Variants in ARHGAP24 observed in about 807,000 individuals in gnomAD.
ARHGAP24 encodes the protein rho GTPase-activating protein 24.
ARHGAP24 carries 50 observed loss-of-function variants against 76.4 expected under a neutral mutation model. That is an observed-to-expected ratio of 0.65 (90% CI 0.52 to 0.83). ARHGAP24 has a LOEUF of 0.83. Ranked by LOEUF, ARHGAP24 falls within the 40% of genes least tolerant of loss-of-function variation. ARHGAP24 has a pLI of 0.00. For synonymous variants in ARHGAP24, 345 were observed against 323.3 expected (o/e 1.07, Z -0.72); for missense variants, 930 against 914.2 (o/e 1.02, Z -0.22).
chr4:85,875,064 T>TATATATAATATATTTCTTA (rs1732802695), intron 3 of ARHGAP24, among the ~76,000 whole-genome samples: 1 of 1,580 alleles, frequency 6.3e-4, no homozygotes, highest in Non-Finnish European at 1.3e-3. Context: ...TATATTTGTT[T>TATATATAATATATTTCTTA]TATATATTAT....
chr4:85,984,287 A>G (rs1269730035), intron 8 of ARHGAP24, among the ~76,000 whole-genome samples: 12 of 152,212 alleles, frequency 7.9e-5, no homozygotes, highest in African/African-American at 2.4e-4. Flanking sequence ...ACAAAACACC[A>G]TAGACTGGGT....
chr4:85,644,136 G>A (rs1721634838), intron 2 of ARHGAP24, among the ~76,000 whole-genome samples: 1 of 152,148 alleles, frequency 6.6e-6, no homozygotes, highest in Non-Finnish European at 1.5e-5. Context: ...CTTAAACTTT[G>A]CTGTTTCAGA....
In ARHGAP24 at chr4:85,892,127, G is replaced by T. The variant is rs1335173433; in HGVS notation, c.269-31521G>T. Among the ~76,000 whole-genome samples the T allele has an allele frequency of 9.5e-5, 5 of 52,484 alleles. 1 individual carries two copies. Among genetic ancestry groups the T allele is most frequent in the African/African-American group, 4.2e-4 (5 of 11,840 alleles). 34.4% of individuals were successfully genotyped at this position (52,484 alleles called of 152,430 possible). On this transcript the variant is annotated intron_variant, in intron 3 of 9. Coordinates refer to ENST00000395184, the MANE Select transcript of ARHGAP24 (RefSeq NM_001025616.3). ...TCGAGGAATGTATCCATTTCTTCTAGATTTTCTAGTTTATTTGCATAGAGG... is the reference window on the plus strand; with the variant it reads ...TCGAGGAATGTATCCATTTCTTCTATATTTTCTAGTTTATTTGCATAGAGG...
intron 2 of ARHGAP24, among the ~76,000 whole-genome samples, chr4:85,648,341 T>C (rs1467914955): frequency 1.3e-5 from 2 of 152,172 alleles, no homozygotes; most frequent in Non-Finnish European, 2.9e-5. Context: ...ATTATAGCTA[T>C]GACAATTAGT....
chr4:85,578,369 G>A (rs1044013687), intron 2 of ARHGAP24, among the ~76,000 whole-genome samples: 2 of 152,206 alleles, frequency 1.3e-5, no homozygotes, highest in South Asian at 2.1e-4. Flanking sequence ...GGGCACCTGA[G>A]ATGGAAAAGC....
chr4:85,486,438 T>C (rs1181567918), intron 1 of ARHGAP24, among the ~76,000 whole-genome samples: 1 of 152,242 alleles, frequency 6.6e-6, no homozygotes, highest in African/African-American at 2.4e-5. Context: ...AACTGGCTAA[T>C]TAAGTTAAAA....
At chr4:85,559,638 C>T (rs1017961570) in intron 1 of ARHGAP24, among the ~76,000 whole-genome samples, 2 of 152,154 alleles carry the variant, frequency 1.3e-5, no homozygotes, top group African/African-American at 4.8e-5. Context: ...GAGTGGAGTA[C>T]ACACAAAAGC....
intron 4 of ARHGAP24, among the ~76,000 whole-genome samples, chr4:85,938,881 A>G (rs1390460381): frequency 6.6e-6 from 1 of 151,928 alleles, no homozygotes; most frequent in Non-Finnish European, 1.5e-5. Flanking sequence ...TCTCAGCACA[A>G]ATTATTTATC....
chr4:85,931,505 G>A (rs1261046896), intron 4 of ARHGAP24, among the ~76,000 whole-genome samples: 1 of 152,066 alleles, frequency 6.6e-6, no homozygotes, highest in Non-Finnish European at 1.5e-5. Context: ...TTTGATAATC[G>A]AATTATTCGT....
intron 4 of ARHGAP24, among the ~76,000 whole-genome samples, chr4:85,924,045 C>A (rs572445512): frequency 1.3e-5 from 2 of 151,368 alleles, no homozygotes; most frequent in Admixed American, 1.3e-4. Context: ...CCCATATTAC[C>A]GACAATACAC....
intron 2 of ARHGAP24, among the ~76,000 whole-genome samples, chr4:85,710,861 G>T (rs1724501227): frequency 6.6e-6 from 1 of 151,944 alleles, no homozygotes. Flanking sequence ...CACTCTTGGT[G>T]GGACAGAACT....
intron 1 of ARHGAP24, among the ~76,000 whole-genome samples, chr4:85,485,432 ATGTAGGCTT>A (rs1723012674): frequency 8.2e-6 from 1 of 122,230 alleles, no homozygotes; most frequent in Admixed American, 9.3e-5. Flanking sequence ...GATTTTTAAA[ATGTAGGCTT>A]TCAGTAGGTA....
intron 2 of ARHGAP24, among the ~76,000 whole-genome samples, chr4:85,678,493 T>G (rs1326393986): frequency 6.6e-6 from 1 of 152,150 alleles, no homozygotes; most frequent in East Asian, 1.9e-4. Flanking sequence ...CAAAAAGAAT[T>G]TAAAGGAATC....
intron 3 of ARHGAP24, chr4:85,827,796 C>G: frequency 4.5e-6 from 3 of 670,636 alleles, no homozygotes; most frequent in Non-Finnish European, 6.7e-6. Flanking sequence ...GGGAGCGAGC[C>G]GTGGTTTCCA....
intron 3 of ARHGAP24, among the ~76,000 whole-genome samples, chr4:85,742,050 G>A (rs1725845732): frequency 6.6e-6 from 1 of 152,188 alleles, no homozygotes; most frequent in Non-Finnish European, 1.5e-5. Flanking sequence ...CAGGTTGACT[G>A]GGATAGACCA....
intron 2 of ARHGAP24, among the ~76,000 whole-genome samples, chr4:85,638,842 C>T (rs1293565757): frequency 2.6e-5 from 4 of 152,082 alleles, no homozygotes; most frequent in Non-Finnish European, 5.9e-5. Context: ...TGCTAGTGAG[C>T]AAAACATACT....
chr4:85,632,222 A>G (rs887096681), intron 2 of ARHGAP24, among the ~76,000 whole-genome samples: 4 of 151,970 alleles, frequency 2.6e-5, no homozygotes, highest in African/African-American at 9.7e-5. Context: ...TGATCTCTAT[A>G]TAGCCTCAGA....
chr4:85,740,223 G>GT lies in ARHGAP24; in HGVS notation c.268+18251_268+18252insT, dbSNP rs866661484. Among the ~76,000 whole-genome samples the GT allele has an allele frequency of 6.5e-5, 6 of 92,484 alleles. No homozygotes were observed. The East Asian group carries it at 1.2e-3, about 18-fold the overall frequency. The allele number at this position is 92,484 out of a possible 152,430, so 60.7% of individuals were successfully genotyped here. On this transcript the variant is annotated intron_variant, in intron 3 of 9. Coordinates refer to ENST00000395184, the MANE Select transcript of ARHGAP24 (RefSeq NM_001025616.3). ...ATATTCTTTTTGTTGTTGTTGTTGGGGTTTTTTTTTTTTTTAGACGGAGTG... is the reference window on the plus strand; with the variant it reads ...ATATTCTTTTTGTTGTTGTTGTTGGGTGTTTTTTTTTTTTTTAGACGGAGTG...
chr4:85,734,367 A>ATT (rs34520141), intron 3 of ARHGAP24, among the ~76,000 whole-genome samples: 19 of 151,788 alleles, frequency 1.3e-4, no homozygotes, highest in Non-Finnish European at 2.2e-4. Context: ...TTATTTGTGT[A>ATT]TTTTTTTCTT....
Sources: gnomAD v4.1 joint callset for allele counts (sites outside exome capture counted in the v4.1 genomes callset) on GRCh38, gnomAD v4.1.1 for gene constraint, MANE v1.5 for transcripts, NCBI Gene and HGNC (gene_info 2026-07-23, HGNC 2026-07-21) for gene names.